The following USP26 variants were observed in gnomAD, a reference collection of about 807,000 sequenced individuals.
USP26 encodes the protein ubiquitin carboxyl-terminal hydrolase 26.
For missense variants in USP26, 649 were observed against 642.3 expected (o/e 1.01, Z -0.11); for synonymous variants, 236 against 240.6 (o/e 0.98, Z 0.18).
At chrX:133,029,456 G>A (rs2067368219) in intron 5 of USP26, among the ~76,000 whole-genome samples, 1 of 112,144 alleles carries the variant, frequency 8.9e-6, no homozygotes, top group African/African-American at 3.2e-5. Context: ...ATGCATCCAA[G>A]TAAGAGAATG....
intron 5 of USP26, chrX:133,045,913 A>T: frequency 8.9e-6 from 1 of 112,528 alleles, no homozygotes; most frequent in East Asian, 2.8e-4. Flanking sequence ...GGTCAAGGTC[A>T]TCCTGGGAAC....
At chrX:133,065,387 C>G (rs1160263994) in intron 5 of USP26, among the ~76,000 whole-genome samples, 2 of 111,744 alleles carry the variant, frequency 1.8e-5, no homozygotes, top group African/African-American at 6.5e-5. Context: ...ATGAGGCCAG[C>G]ATCAACCTGA....
At chrX:133,088,291 G>C (rs780607384) in intron 4 of USP26, among the ~76,000 whole-genome samples, 1 of 111,522 alleles carries the variant, frequency 9.0e-6, no homozygotes, top group Non-Finnish European at 1.9e-5. Flanking sequence ...TCCACAGACC[G>C]GGGGTGGAGG....
At position 133,028,013 on chromosome X, in the gene USP26, G is replaced by T. The variant is rs1187967425; in HGVS notation, c.208C>A (p.His70Asn). 1 of 1,211,118 alleles carries T rather than the reference G, an allele frequency of 8.3e-7. No homozygotes were observed. Among genetic ancestry groups the T allele is most frequent in the Admixed American group, 2.2e-5 (1 of 45,960 alleles). ...TTATTTTGTAAAGTTAAATGCAGGT[G>T]ATTTTGGTTTCCTCTATAGGATTTA... ...VLKSYRGNQNHLHLTLQNNNG... is the reference protein window; with the variant it reads ...VLKSYRGNQNNLHLTLQNNNG... The change falls in exon 6 of 6, where the codon CAC (histidine) becomes AAC (asparagine). Residue 70 changes from histidine (H) to asparagine (N), a missense_variant. By Grantham distance (68) the His-to-Asn change is moderately conservative (BLOSUM62 1). Transcript: ENST00000511190.
At chrX:133,048,531 C>G (rs2067447711) in intron 5 of USP26, among the ~76,000 whole-genome samples, 2 of 109,260 alleles carry the variant, frequency 1.8e-5, no homozygotes, top group South Asian at 8.0e-4. Context: ...AAGCCAACAA[C>G]ATAGTGGAAC....
chrX:133,082,442 C>T (rs1346746287), intron 5 of USP26, among the ~76,000 whole-genome samples: 2 of 111,707 alleles, frequency 1.8e-5, no homozygotes, highest in Non-Finnish European at 1.9e-5. Context: ...TTTTTCTGAG[C>T]GGTTTTCAGT....
At chrX:133,070,210 T>G (rs1316404267) in intron 5 of USP26, among the ~76,000 whole-genome samples, 2 of 112,011 alleles carry the variant, frequency 1.8e-5, no homozygotes, top group Non-Finnish European at 3.8e-5. Context: ...AGAGAAACAT[T>G]GGAGAGAAGG....
At chrX:133,029,833 T>C (rs1320390108) in intron 5 of USP26, among the ~76,000 whole-genome samples, 1 of 111,887 alleles carries the variant, frequency 8.9e-6, no homozygotes, top group Non-Finnish European at 1.9e-5. Context: ...CCATCCTGAC[T>C]ACATTTCATT....
intron 4 of USP26, among the ~76,000 whole-genome samples, chrX:133,084,512 C>CTTTT (rs34922544): frequency 1.4e-5 from 1 of 71,143 alleles, no homozygotes; most frequent in African/African-American, 5.9e-5. Context: ...GGCAGAACTT[C>CTTTT]TTTTTTTTTT....
chrX:133,026,017 A>T lies in USP26; in HGVS notation c.2204T>A (p.Val735Glu). Residue 735 changes from valine to glutamate, a missense_variant, in exon 6 of 6, where the codon GTG becomes GAG. Transcript: ENST00000511190. Reference protein sequence around the residue: ...NIRIPERFQKVSEQTQQCDGM... With the variant: ...NIRIPERFQKESEQTQQCDGM... Reference sequence around the variant, plus strand: ...GTCACACTGCTGAGTCTGTTCAGACACTTTTTGGAATCTTTCTGGAATTCT... The same window carrying T: ...GTCACACTGCTGAGTCTGTTCAGACTCTTTTTGGAATCTTTCTGGAATTCT... 1 of 1,210,196 alleles carries T rather than the reference A, an allele frequency of 8.3e-7. No homozygotes were observed. Among genetic ancestry groups the T allele is most frequent in the Non-Finnish European group, 1.1e-6 (1 of 894,268 alleles).
At chrX:133,061,026 G>A (rs1001955830) in intron 5 of USP26, among the ~76,000 whole-genome samples, 1 of 111,713 alleles carries the variant, frequency 9.0e-6, no homozygotes, top group African/African-American at 3.3e-5. Flanking sequence ...TTACATATGG[G>A]ATTCAAGCAT....
Position 133,025,929 on chromosome X carries a change from G to A in USP26, c.2292C>T (p.Gly764=). 8.3e-7 allele frequency: 1 copy of A among 1,211,251 alleles called. No homozygotes were observed. The highest frequency in any genetic ancestry group is 1.1e-6 in the Non-Finnish European group (1 of 895,451). ...QALPQSFPKP[G]TQGHTKNLLR... ...GGAGGTTCTTTGTGTGCCCCTGGGT[G>A]CCTGGCTTTGGAAAGCTTTGAGGCA... The change falls in exon 6 of 6, where the codon GGC becomes GGT. Residue 764 remains glycine, a synonymous_variant. Coordinates refer to ENST00000511190, the MANE Select transcript of USP26 (RefSeq NM_031907.3).
chrX:133,077,005 T>C (rs2067551330), intron 5 of USP26, among the ~76,000 whole-genome samples: 1 of 112,142 alleles, frequency 8.9e-6, no homozygotes, highest in South Asian at 3.8e-4. Flanking sequence ...TTTGGAAGAG[T>C]AACCAATACT....
chrX:133,026,865 A>G lies in USP26; in HGVS notation c.1356T>C (p.Gly452=). The G allele has an allele frequency of 8.3e-7, 1 of 1,211,294 alleles. No individual in the cohort carries two copies. Among genetic ancestry groups the G allele is most frequent in the Non-Finnish European group, 1.1e-6 (1 of 895,169 alleles). ...TCAGTTCTGTCTTGAGAATAACCTG[A>G]CCACAAGCTTTACAAGCAATGGAGT... ...LLHSIACKAC[G]QVILKTELNN... The change falls in exon 6 of 6, where the codon GGT becomes GGC. Residue 452 remains glycine, a synonymous_variant. Transcript: ENST00000511190.
chrX:133,057,702 T>A (rs2067479887), intron 5 of USP26, among the ~76,000 whole-genome samples: 1 of 104,747 alleles, frequency 9.5e-6, no homozygotes, highest in South Asian at 4.4e-4. Context: ...TTTAAAATAC[T>A]TTCTAATTTA....
At chrX:133,071,784 C>G (rs1163160713) in intron 5 of USP26, among the ~76,000 whole-genome samples, 1 of 111,318 alleles carries the variant, frequency 9.0e-6, no homozygotes, top group Non-Finnish European at 1.9e-5. Context: ...CACTGTCCTA[C>G]CTTATTGGAT....
chrX:133,041,210 T>C (rs2067418041), intron 5 of USP26, among the ~76,000 whole-genome samples: 1 of 111,031 alleles, frequency 9.0e-6, no homozygotes, highest in African/African-American at 3.3e-5. Context: ...TCAGTCTCAT[T>C]CTCCATTTAG....
chrX:133,073,336 TAAAAAAAAAAAA>T (rs748725340), intron 5 of USP26, among the ~76,000 whole-genome samples: 1 of 74,912 alleles, frequency 1.3e-5, no homozygotes, highest in Non-Finnish European at 2.5e-5. Flanking sequence ...TTCATGGGAC[TAAAAAAAAAAAA>T]AAAAAAAAAC....
At chrX:133,075,494 A>G (rs1252201876) in intron 5 of USP26, among the ~76,000 whole-genome samples, 1 of 112,220 alleles carries the variant, frequency 8.9e-6, no homozygotes, top group Non-Finnish European at 1.9e-5. Context: ...CTCCTATTTC[A>G]TGATGGTACA....
Sources: gnomAD v4.1 joint callset for allele counts (sites outside exome capture counted in the v4.1 genomes callset) on GRCh38, gnomAD v4.1.1 for gene constraint, MANE v1.5 for transcripts, NCBI Gene and HGNC (gene_info 2026-07-23, HGNC 2026-07-21) for gene names.